The following HFM1 variants were observed in gnomAD, a reference collection of about 807,000 sequenced individuals.
HFM1 encodes the protein helicase for meiosis 1.
Under a neutral mutation model 192.1 loss-of-function variants are expected in HFM1, and 169 were observed. The ratio of observed to expected loss-of-function variants is 0.88; its 90% CI spans 0.78 to 1.00. The LOEUF (loss-of-function observed/expected upper bound fraction) is 1.00. Ranked by LOEUF, HFM1 falls within the 50% of genes least tolerant of loss-of-function variation. The probability of loss-of-function intolerance (pLI) is 0.00; values close to 1 mark genes in which losing one functional copy is unlikely to be tolerated. For missense variants in HFM1, 1,661 were observed against 1,668.0 expected (o/e 1.00, Z 0.07); for synonymous variants, 525 against 537.8 (o/e 0.98, Z 0.33).
At chr1:91,302,767 C>T (rs1649009872) in intron 30 of HFM1, among the ~76,000 whole-genome samples, 1 of 115,404 alleles carries the variant, frequency 8.7e-6, no homozygotes, top group East Asian at 3.0e-4. Context: ...GAACATCACA[C>T]TCTGGGGCCT....
chr1:91,269,109 T>C (rs1039674673), intron 34 of HFM1, among the ~76,000 whole-genome samples: 2 of 152,048 alleles, frequency 1.3e-5, no homozygotes, highest in Non-Finnish European at 2.9e-5. Context: ...AAACAATAAA[T>C]CAAACCCAGA....
intron 13 of HFM1, among the ~76,000 whole-genome samples, chr1:91,366,080 G>T (rs1421745229): frequency 5.3e-5 from 8 of 151,960 alleles, no homozygotes; most frequent in Admixed American, 5.2e-4. Context: ...TAGTAACTAG[G>T]TAAGAGTGGG....
intron 30 of HFM1, among the ~76,000 whole-genome samples, chr1:91,300,621 T>C (rs1648586212): frequency 6.6e-6 from 1 of 152,348 alleles, no homozygotes; most frequent in South Asian, 2.1e-4. Flanking sequence ...GATGCAAGGC[T>C]AGTTCAACAT....
At chr1:91,285,231 AAT>A (rs1269483240) in intron 30 of HFM1, among the ~76,000 whole-genome samples, 1 of 152,172 alleles carries the variant, frequency 6.6e-6, no homozygotes, top group Non-Finnish European at 1.5e-5. Context: ...AAAACGGACT[AAT>A]ATAAGTTGTA....
At chr1:91,308,458 G>T (rs1649963103) in intron 30 of HFM1, among the ~76,000 whole-genome samples, 1 of 151,764 alleles carries the variant, frequency 6.6e-6, no homozygotes, top group African/African-American at 2.4e-5. Flanking sequence ...TAATTATCTG[G>T]TAAAACTTTC....
chr1:91,329,824 G>C (rs377137444), intron 20 of HFM1, among the ~76,000 whole-genome samples: 3 of 152,206 alleles, frequency 2.0e-5, no homozygotes, highest in Admixed American at 2.0e-4. Context: ...TTTTGGAGAA[G>C]AGAGAGGGAG....
At chr1:91,329,596 C>T in intron 20 of HFM1, 1 of 1,015,884 alleles carries the variant, frequency 9.8e-7, no homozygotes, top group Non-Finnish European at 1.4e-6. Context: ...GCTAGAGAAA[C>T]CTTCACAGGG....
Position 91,323,288 on chromosome 1 carries a change from C to T in HFM1, c.2428-89G>A. Reference sequence around the variant, plus strand: ...CCAAATTTATTTATTTTTCATACTGCCTTAAACCATCACAGTTTTATCAAT... The same window carrying T: ...CCAAATTTATTTATTTTTCATACTGTCTTAAACCATCACAGTTTTATCAAT... On this transcript the variant is annotated intron_variant, in intron 21 of 38. Coordinates refer to ENST00000370425, the MANE Select transcript of HFM1 (RefSeq NM_001017975.6). 8 of 751,312 alleles carry T rather than the reference C, an allele frequency of 1.1e-5. No individual in the cohort carries two copies. In the South Asian group the frequency reaches 1.3e-4, roughly 12 times the overall value. The allele number at this position is 751,312 out of a possible 1,614,324, so 46.5% of individuals were successfully genotyped here.
At chr1:91,387,516 C>T (rs915620705) in intron 4 of HFM1, among the ~76,000 whole-genome samples, 3 of 151,952 alleles carry the variant, frequency 2.0e-5, no homozygotes, top group African/African-American at 7.2e-5. Flanking sequence ...TCCCTGAGCT[C>T]GCCTTAGGAC....
intron 13 of HFM1, among the ~76,000 whole-genome samples, chr1:91,369,953 C>T (rs923041392): frequency 6.6e-6 from 1 of 152,124 alleles, no homozygotes; most frequent in Non-Finnish European, 1.5e-5. Flanking sequence ...TCAGAGAATA[C>T]TATAAACACC....
In HFM1 at chr1:91,379,195, CA is replaced by C. The variant is rs1557492737; in HGVS notation, c.1025del (p.Leu342CysfsTer16). ...TCCAGTCATCAAAACGCTGACTGCA[CA>C]AGGCTTTTATTGGTGCCACTGTAAC... ...KIVYMAPIKA[L>X]CSQRFDDWKE... On this transcript the variant is annotated frameshift_variant, in exon 9 of 39. Coordinates refer to ENST00000370425, the MANE Select transcript of HFM1 (RefSeq NM_001017975.6). LOFTEE classifies it high-confidence loss of function. The C allele has an allele frequency of 6.2e-7, 1 of 1,606,244 alleles. No homozygotes were observed. The highest frequency in any genetic ancestry group is 1.1e-5 in the South Asian group (1 of 89,162).
chr1:91,359,239 G>A, intron 13 of HFM1, among the ~76,000 whole-genome samples: 1 of 152,124 alleles, frequency 6.6e-6, no homozygotes, highest in Non-Finnish European at 1.5e-5. Context: ...GCTAAGAACT[G>A]GGCTGGAGGC....
At chr1:91,339,731 G>A (rs924435161) in intron 20 of HFM1, among the ~76,000 whole-genome samples, 4 of 152,014 alleles carry the variant, frequency 2.6e-5, no homozygotes, top group African/African-American at 9.7e-5. Flanking sequence ...AAATATAATT[G>A]AGAATACAGT....
intron 4 of HFM1, among the ~76,000 whole-genome samples, chr1:91,392,383 T>G (rs1663108934): frequency 6.6e-6 from 1 of 152,202 alleles, no homozygotes; most frequent in Non-Finnish European, 1.5e-5. Flanking sequence ...TAAGAAAATG[T>G]GGCACATATA....
chr1:91,390,181 T>G (rs962604293), intron 4 of HFM1, among the ~76,000 whole-genome samples: 6 of 152,078 alleles, frequency 3.9e-5, no homozygotes, highest in Non-Finnish European at 8.8e-5. Context: ...AGCTTACGCC[T>G]GTAATCCCAA....
intron 30 of HFM1, among the ~76,000 whole-genome samples, chr1:91,307,774 G>A (rs931428353): frequency 6.6e-6 from 1 of 151,978 alleles, no homozygotes; most frequent in East Asian, 1.9e-4. Context: ...TTTTAATTCA[G>A]GCTGATAAAT....
chr1:91,380,821 C>T (rs1366478403), intron 7 of HFM1, 91 bp downstream of exon 7: 1 of 709,774 alleles, frequency 1.4e-6, no homozygotes, highest in Non-Finnish European at 2.5e-6. Context: ...GCAGTGCAGA[C>T]ATAAAGATCT....
At chr1:91,357,686 A>T (rs1326561537) in intron 13 of HFM1, among the ~76,000 whole-genome samples, 5 of 152,250 alleles carry the variant, frequency 3.3e-5, no homozygotes, top group African/African-American at 4.8e-5. Flanking sequence ...AGACAACATT[A>T]TCTTACATGT....
At chr1:91,309,621 C>T (rs1204131260) in intron 30 of HFM1, among the ~76,000 whole-genome samples, 1 of 152,060 alleles carries the variant, frequency 6.6e-6, no homozygotes, top group African/African-American at 2.4e-5. Context: ...TAGTCTGATG[C>T]TGCTATTCTC....
Sources: allele counts gnomAD v4.1 joint callset (sites outside exome capture counted in the v4.1 genomes callset), GRCh38; gene constraint gnomAD v4.1.1; transcripts MANE v1.5; gene names NCBI Gene and HGNC (gene_info 2026-07-23, HGNC 2026-07-21).